TES: variants seen among roughly 807,000 people sequenced by gnomAD.
The protein encoded by TES is testin LIM domain protein.
In TES, 41 loss-of-function variants were observed where a neutral mutation model predicts 48.2. The observed-to-expected ratio is 0.85, with a 90% confidence interval of 0.66 to 1.10. TES has a LOEUF of 1.10. Ranked by LOEUF, TES falls within the 50% of genes least tolerant of loss-of-function variation. The probability of loss-of-function intolerance (pLI) is 0.00; values close to 1 mark genes in which losing one functional copy is unlikely to be tolerated. For missense variants in TES, 463 were observed against 515.1 expected, an observed-to-expected ratio of 0.90 and a Z score of 0.98; for synonymous variants, 162 against 174.9, an observed-to-expected ratio of 0.93 and a Z score of 0.58.
intron 1 of TES, among the ~76,000 whole-genome samples, chr7:116,231,094 A>G (rs1313062817): frequency 6.6e-6 from 1 of 152,180 alleles, no homozygotes; most frequent in Non-Finnish European, 1.5e-5. Context: ...CCTCTGCCCC[A>G]AAAGAACAGT....
In TES at chr7:116,229,010, ATATATATATATATATATATATAT is replaced by A. The variant is rs1799661082; in HGVS notation, c.28-5523_28-5501del. Among the ~76,000 whole-genome samples, 7 of 131,860 alleles carry A rather than the reference ATATATATATATATATATATATAT, an allele frequency of 5.3e-5. 1 individual carries two copies. In the South Asian group the frequency reaches 1.4e-3, roughly 26 times the overall value. The allele number at this position is 131,860 out of a possible 152,430, so 86.5% of individuals were successfully genotyped here. A position where few individuals can be genotyped will look rare whatever the true frequency, so the allele number is the denominator to read the frequency against. On this transcript the variant is annotated intron_variant, in intron 1 of 6. Transcript: ENST00000358204. Reference sequence around the variant, plus strand: ...CTAGTATCTATAACTATATATATATATATATATATATATATATATATATAATCATTTCCTTAATATTTGGTAAT... The same window carrying A: ...CTAGTATCTATAACTATATATATATAAATCATTTCCTTAATATTTGGTAAT...
At chr7:116,250,024 A>T in intron 3 of TES, 137 bp from the exon 4 acceptor site, 1 of 558,898 alleles carries the variant, frequency 1.8e-6, no homozygotes, top group Non-Finnish European at 2.9e-6. Flanking sequence ...TTAACTTCTT[A>T]ATATACTGTG....
intron 1 of TES, chr7:116,218,037 T>TG: frequency 2.3e-6 from 1 of 437,010 alleles, no homozygotes; most frequent in South Asian, 1.6e-5. Context: ...GTTAGAATGG[T>TG]GGGGAGTCGG....
intron 6 of TES, among the ~76,000 whole-genome samples, chr7:116,255,719 A>G (rs1448059858): frequency 2.0e-5 from 3 of 152,228 alleles, no homozygotes; most frequent in Non-Finnish European, 4.4e-5. Flanking sequence ...GTATTTTACA[A>G]GAACACATTC....
chr7:116,213,188 A>G (rs1024678104), intron 1 of TES, among the ~76,000 whole-genome samples: 1 of 152,232 alleles, frequency 6.6e-6, no homozygotes, highest in Non-Finnish European at 1.5e-5. Flanking sequence ...GAAATATTAC[A>G]AGACTATCTG....
intron 2 of TES, among the ~76,000 whole-genome samples, chr7:116,236,554 C>T (rs1364282756): frequency 6.6e-6 from 1 of 152,090 alleles, no homozygotes; most frequent in Non-Finnish European, 1.5e-5. Context: ...AAATCTGATA[C>T]ACTTCTGTTT....
chr7:116,252,731 TAAA>T (rs538142420), intron 6 of TES: 153 of 488,712 alleles, frequency 3.1e-4, no homozygotes, highest in African/African-American at 2.4e-3. Context: ...AATCCTCACT[TAAA>T]AAAATTCTTA....
At chr7:116,249,394 A>C in intron 3 of TES, 122 bp downstream of exon 3, 30 of 1,200,756 alleles carry the variant, frequency 2.5e-5, no homozygotes, top group South Asian at 3.0e-5. Flanking sequence ...CGGGGTTCTC[A>C]TTACTTTGAC....
At chr7:116,250,927 A>C (rs1799997731) in intron 4 of TES, among the ~76,000 whole-genome samples, 1 of 152,188 alleles carries the variant, frequency 6.6e-6, no homozygotes, top group Non-Finnish European at 1.5e-5. Flanking sequence ...ATTTTTGTGG[A>C]TATATAGTGA....
At chr7:116,234,718 A>C (rs1334547266) in intron 2 of TES, 99 bp downstream of exon 2, 1 of 937,802 alleles carries the variant, frequency 1.1e-6, no homozygotes, top group African/African-American at 1.6e-5. Context: ...CATGGTTGCT[A>C]AGTTGCAGAC....
Position 116,210,740 on chromosome 7 carries a change from G to A in TES, c.27+6G>A, listed in dbSNP as rs775884563. On this transcript the variant is annotated splice_donor_region_variant and intron_variant, in intron 1 of 6. Transcript: ENST00000358204. ...TGGAAAACAAAGTGAAGAAGGTAGGGGGGCGCTCGTGGCGGGCGGCGGCTG... is the reference window on the plus strand; with the variant it reads ...TGGAAAACAAAGTGAAGAAGGTAGGAGGGCGCTCGTGGCGGGCGGCGGCTG... 1.9e-5 allele frequency: 24 copies of A among 1,244,592 alleles called. No homozygotes were observed. The East Asian group carries it at 2.9e-4, about 15-fold the overall frequency. The allele number at this position is 1,244,592 out of a possible 1,614,324, so 77.1% of individuals were successfully genotyped here. A position where few individuals can be genotyped will look rare whatever the true frequency, so the allele number is the denominator to read the frequency against.
chr7:116,255,128 T>C (rs1800078662), intron 6 of TES: 1 of 151,570 alleles, frequency 6.6e-6, no homozygotes, highest in Admixed American at 6.6e-5. Context: ...TTTGTCTCTG[T>C]GTAGTCACTA....
intron 1 of TES, chr7:116,222,971 A>C: frequency 1.0e-6 from 1 of 985,170 alleles, no homozygotes; most frequent in Non-Finnish European, 1.2e-6. Context: ...TCTCAAAGTA[A>C]CGGATTCAGG....
intron 2 of TES, among the ~76,000 whole-genome samples, chr7:116,242,543 CTG>C (rs1262651769): frequency 9.5e-5 from 9 of 95,184 alleles, no homozygotes; most frequent in African/African-American, 4.1e-4. Flanking sequence ...CTCTCTGTCT[CTG>C]TCTCGGAATA....
At chr7:116,240,569 T>C (rs758789344) in intron 2 of TES, among the ~76,000 whole-genome samples, 2 of 152,194 alleles carry the variant, frequency 1.3e-5, no homozygotes, top group Non-Finnish European at 2.9e-5. Flanking sequence ...CAACTTTTTA[T>C]ACAAATAACC....
intron 2 of TES, among the ~76,000 whole-genome samples, chr7:116,244,161 T>C (rs1799890550): frequency 6.6e-6 from 1 of 152,082 alleles, no homozygotes; most frequent in African/African-American, 2.4e-5. Flanking sequence ...AAATCTCATG[T>C]CCTCACATTT....
intron 1 of TES, among the ~76,000 whole-genome samples, chr7:116,217,258 T>G (rs1335455121): frequency 6.6e-6 from 1 of 152,154 alleles, no homozygotes; most frequent in Non-Finnish European, 1.5e-5. Flanking sequence ...TTCATTTGTC[T>G]TAAGTAATAG....
intron 1 of TES, among the ~76,000 whole-genome samples, chr7:116,227,610 C>T (rs1388404705): frequency 2.6e-5 from 4 of 152,020 alleles, no homozygotes; most frequent in Non-Finnish European, 5.9e-5. Context: ...ATATGTAGTT[C>T]CTTTGTCCAG....
At chr7:116,249,619 T>C (rs1799975027) in intron 3 of TES, 1 of 206,682 alleles carries the variant, frequency 4.8e-6, no homozygotes, top group South Asian at 1.2e-4. Flanking sequence ...TGTCATAGTT[T>C]AGAACTGAAA....
Sources: allele counts gnomAD v4.1 joint callset (sites outside exome capture counted in the v4.1 genomes callset), GRCh38; gene constraint gnomAD v4.1.1; transcripts MANE v1.5; gene names NCBI Gene and HGNC (gene_info 2026-07-23, HGNC 2026-07-21).